LRIG1: variants seen among roughly 807,000 people sequenced by gnomAD.
The protein encoded by LRIG1 is leucine-rich repeats and immunoglobulin-like domains protein 1.
In LRIG1, 48 loss-of-function variants were observed where a neutral mutation model predicts 99.2. The ratio of observed to expected loss-of-function variants is 0.48; its 90% CI spans 0.38 to 0.62. LRIG1 has a LOEUF of 0.62. Among genes scored for constraint, LRIG1 ranks in the 20% least tolerant of loss-of-function variants. The probability of loss-of-function intolerance (pLI) is 0.00; values close to 1 mark genes in which losing one functional copy is unlikely to be tolerated. For synonymous variants in LRIG1, 772 were observed against 596.1 expected, an observed-to-expected ratio of 1.29 and a Z score of -4.30; for missense variants, 1,646 against 1,434.4, an observed-to-expected ratio of 1.15 and a Z score of -2.38.
chr3:66,398,408 A>G (rs1701935424), intron 10 of LRIG1, among the ~76,000 whole-genome samples: 1 of 152,232 alleles, frequency 6.6e-6, no homozygotes, highest in South Asian at 2.1e-4. Context: ...CCTGCTCAGC[A>G]AGGCAAAACC....
At chr3:66,496,255 A>G (rs567881692) in intron 1 of LRIG1, among the ~76,000 whole-genome samples, 1 of 152,372 alleles carries the variant, frequency 6.6e-6, no homozygotes, top group South Asian at 2.1e-4. Flanking sequence ...TCCTAAAGGC[A>G]AGAGGGACAT....
In LRIG1 at chr3:66,407,472, G is replaced by A; in HGVS notation, c.955C>T (p.Leu319=). The A allele has an allele frequency of 6.2e-7, 1 of 1,614,030 alleles. No homozygotes were observed. The highest frequency in any genetic ancestry group is 8.5e-7 in the Non-Finnish European group (1 of 1,180,022). Residue 319 remains leucine, a synonymous_variant, in exon 8 of 19, where the codon CTG becomes TTG. Coordinates refer to ENST00000273261, the MANE Select transcript of LRIG1 (RefSeq NM_015541.3). ...LHELVLSFNN[L]TRLDEESLAE... is the part of the protein sequence containing the mutation. Reference sequence around the variant, plus strand: ...AGGCTCTCCTCGTCCAGCCGTGTCAGGTTGTTGAAGGACAGGACCCTGAGG... The same window carrying A: ...AGGCTCTCCTCGTCCAGCCGTGTCAAGTTGTTGAAGGACAGGACCCTGAGG...
intron 3 of LRIG1, among the ~76,000 whole-genome samples, chr3:66,440,601 G>A (rs1360582927): frequency 1.3e-5 from 2 of 152,110 alleles, no homozygotes; most frequent in Non-Finnish European, 2.9e-5. Context: ...CGGCCTCCAG[G>A]GTTCAGTGTA....
At chr3:66,464,225 C>T (rs1035503616) in intron 1 of LRIG1, among the ~76,000 whole-genome samples, 4 of 152,110 alleles carry the variant, frequency 2.6e-5, no homozygotes, top group African/African-American at 7.2e-5. Context: ...ATGACTGTAA[C>T]TTTTGTATCA....
chr3:66,449,505 G>A (rs1703833341), intron 3 of LRIG1, among the ~76,000 whole-genome samples: 1 of 152,176 alleles, frequency 6.6e-6, no homozygotes, highest in African/African-American at 2.4e-5. Context: ...AGGCCAAACA[G>A]CCCCACTTCT....
chr3:66,460,650 C>T (rs1700335402), intron 2 of LRIG1, among the ~76,000 whole-genome samples: 1 of 152,230 alleles, frequency 6.6e-6, no homozygotes, highest in Non-Finnish European at 1.5e-5. Context: ...TCTTGGACTT[C>T]CTGCTTCCAG....
At chr3:66,467,719 T>C (rs9846493) in intron 1 of LRIG1, among the ~76,000 whole-genome samples, 145,283 of 152,344 alleles carry the variant, frequency 0.95, 69,575 homozygotes, top group Non-Finnish European at 1. Flanking sequence ...TATCAAAATG[T>C]ACAATGCAGA....
chr3:66,447,021 G>A (rs949858779), intron 3 of LRIG1, among the ~76,000 whole-genome samples: 5 of 152,072 alleles, frequency 3.3e-5, no homozygotes, highest in African/African-American at 7.2e-5. Context: ...CACTGAGAAC[G>A]TACTACAAGT....
intron 3 of LRIG1, among the ~76,000 whole-genome samples, chr3:66,438,605 A>G (rs1288171932): frequency 6.6e-6 from 1 of 152,184 alleles, no homozygotes; most frequent in Non-Finnish European, 1.5e-5. Flanking sequence ...AAGGGGGAAA[A>G]GGCCCTGTAC....
intron 1 of LRIG1, among the ~76,000 whole-genome samples, chr3:66,486,390 A>G (rs910845121): frequency 2.0e-4 from 31 of 152,260 alleles, no homozygotes; most frequent in African/African-American, 7.0e-4. Context: ...CATGAACCGC[A>G]CAGCTGCTGC....
intron 6 of LRIG1, 126 bp downstream of exon 6, chr3:66,412,745 C>G: frequency 9.2e-7 from 1 of 1,081,816 alleles, no homozygotes; most frequent in Non-Finnish European, 1.4e-6. Context: ...CTGGTGTGGG[C>G]GCACACACCC....
At position 66,380,084 on chromosome 3, in the gene LRIG1, C is replaced by CA; in HGVS notation, c.*178dup. ...TCAAATACTTTTTTTGCCTTTTGTA[C>CA]ACAAATCCCCTCTTGCGTTTACTGT... On this transcript the variant is annotated 3_prime_UTR_variant, in exon 19 of 19. Transcript: ENST00000273261. The CA allele has an allele frequency of 1.8e-6, 1 of 541,594 alleles. No individual in the cohort carries two copies. Among genetic ancestry groups the CA allele is most frequent in the Non-Finnish European group, 3.2e-6 (1 of 309,908 alleles). 33.5% of individuals were successfully genotyped at this position (541,594 alleles called of 1,614,324 possible).
intron 1 of LRIG1, among the ~76,000 whole-genome samples, chr3:66,484,424 C>A (rs532200617): frequency 6.6e-6 from 1 of 152,164 alleles, no homozygotes; most frequent in African/African-American, 2.4e-5. Context: ...AACATTCACA[C>A]AAAACTTCTA....
intron 3 of LRIG1, among the ~76,000 whole-genome samples, chr3:66,443,695 G>A (rs1285280207): frequency 6.6e-6 from 1 of 152,190 alleles, no homozygotes; most frequent in African/African-American, 2.4e-5. Context: ...AGTTCCTTGA[G>A]GGCAGTAACT....
intron 16 of LRIG1, among the ~76,000 whole-genome samples, chr3:66,381,974 G>C (rs1701101420): frequency 6.6e-6 from 1 of 152,182 alleles, no homozygotes; most frequent in Non-Finnish European, 1.5e-5. Context: ...GGAATGGGTT[G>C]GCTGGGTTCA....
chr3:66,397,979 A>C, intron 11 of LRIG1, 133 bp downstream of exon 11: 1 of 683,886 alleles, frequency 1.5e-6, no homozygotes, highest in Non-Finnish European at 2.5e-6. Flanking sequence ...CATGACAGAG[A>C]CTCTGTGGCC....
At chr3:66,386,863 G>T (rs1308428909) in intron 12 of LRIG1, 1 of 152,362 alleles carries the variant, frequency 6.6e-6, no homozygotes, top group Non-Finnish European at 1.5e-5. Flanking sequence ...CAACATCTCA[G>T]AAATGTGAGC....
chr3:66,500,489 C>T lies in LRIG1; in HGVS notation c.-82G>A, dbSNP rs1319221928. The T allele has an allele frequency of 2.6e-6, 2 of 773,400 alleles. No individual in the cohort carries two copies. The highest frequency in any genetic ancestry group is 3.6e-6 in the Non-Finnish European group (2 of 548,010). 47.9% of individuals were successfully genotyped at this position (773,400 alleles called of 1,614,324 possible). A position where few individuals can be genotyped will look rare whatever the true frequency, so the allele number is the denominator to read the frequency against. On this transcript the variant is annotated 5_prime_UTR_variant, in exon 1 of 19. Transcript: ENST00000273261. Reference sequence around the variant, plus strand: ...CGCAGACGCGGGCGGGCCCGCGGGGCGCTCCGCTCGGCTCTAGACTCCGCA... The same window carrying T: ...CGCAGACGCGGGCGGGCCCGCGGGGTGCTCCGCTCGGCTCTAGACTCCGCA...
intron 3 of LRIG1, chr3:66,417,548 A>T (rs1039056751): frequency 7.4e-6 from 3 of 406,806 alleles, no homozygotes; most frequent in Non-Finnish European, 1.4e-5. Context: ...ATGTGAGACC[A>T]GCATGACCTG....
Sources: allele counts gnomAD v4.1 joint callset (sites outside exome capture counted in the v4.1 genomes callset), GRCh38; gene constraint gnomAD v4.1.1; transcripts MANE v1.5; gene names NCBI Gene and HGNC (gene_info 2026-07-23, HGNC 2026-07-21).